Variants in TCF12 observed in about 807,000 individuals in gnomAD.
TCF12 encodes the protein transcription factor 12, also known as DNA-binding protein HTF4.
Under a neutral mutation model 86.0 loss-of-function variants are expected in TCF12, and 45 were observed. The observed-to-expected ratio is 0.52, with a 90% confidence interval of 0.41 to 0.67. The LOEUF (loss-of-function observed/expected upper bound fraction) is 0.67, where lower values mean the gene tolerates loss of function less well. Ranked by LOEUF, TCF12 falls within the 30% of genes least tolerant of loss-of-function variation. TCF12 has a pLI of 0.00. For missense variants in TCF12, 881 were observed against 859.9 expected (o/e 1.02, Z -0.31); for synonymous variants, 330 against 299.6 (o/e 1.10, Z -1.05).
At chr15:57,275,362 G>A (rs1008839343) in intron 19 of TCF12, among the ~76,000 whole-genome samples, 2 of 145,936 alleles carry the variant, frequency 1.4e-5, no homozygotes, top group African/African-American at 2.6e-5. Context: ...GTGTGTGTGT[G>A]TACGTATGTA....
intron 3 of TCF12, among the ~76,000 whole-genome samples, chr15:56,943,197 TA>T (rs1837478785): frequency 1.3e-5 from 2 of 152,180 alleles, no homozygotes; most frequent in South Asian, 4.1e-4. Flanking sequence ...CCTTTTCATT[TA>T]ACAAGAGGAT....
chr15:56,961,126 C>A (rs1294900904), intron 3 of TCF12, among the ~76,000 whole-genome samples: 1 of 136,228 alleles, frequency 7.3e-6, no homozygotes, highest in African/African-American at 2.8e-5. Context: ...AACTCTGTCT[C>A]AAAAAAAAAA....
In TCF12 at chr15:57,232,718, C is replaced by T; in HGVS notation, c.832C>T (p.Pro278Ser). The stretch of plus-strand genomic sequence containing the variant: ...CATATCTCTTTCCATCTAGAGTTAT[C>T]CTCCACACTCAGTTTCACCAACAGA... Reference protein sequence around the residue: ...NLHSHDRLSYPPHSVSPTDIN... With the variant: ...NLHSHDRLSYSPHSVSPTDIN... The change falls in exon 11 of 21, where the codon CCT (proline) becomes TCT (serine). Residue 278 changes from proline (P) to serine (S), a missense_variant. Transcript: ENST00000333725. 1 of 1,611,236 alleles carries T rather than the reference C, an allele frequency of 6.2e-7. No homozygotes were observed. The highest frequency in any genetic ancestry group is 1.7e-5 in the Admixed American group (1 of 59,558).
chr15:57,074,106 G>C (rs1187099864), intron 4 of TCF12, among the ~76,000 whole-genome samples: 1 of 151,828 alleles, frequency 6.6e-6, no homozygotes, highest in Non-Finnish European at 1.5e-5. Context: ...GCAGTAATTC[G>C]TATTTTATGT....
At chr15:57,026,436 G>C (rs1056381789) in intron 3 of TCF12, among the ~76,000 whole-genome samples, 2 of 152,184 alleles carry the variant, frequency 1.3e-5, no homozygotes, top group Non-Finnish European at 2.9e-5. Context: ...CAGCAGTCCA[G>C]CATGCTGTTG....
Position 57,151,302 on chromosome 15 carries a change from A to C in TCF12, c.326-15100A>C, listed in dbSNP as rs1346307472. 1.4e-4 allele frequency among the ~76,000 whole-genome samples: 22 copies of C among 151,898 alleles called. 1 individual carries two copies. Among genetic ancestry groups the C allele is most frequent in the Non-Finnish European group, 3.2e-4 (22 of 67,984 alleles). ...AGCCCCCTAAATGTCATTTTTAGAG[A>C]GAAGAAAAATACAGTATCTGAAATG... On this transcript the variant is annotated intron_variant, in intron 5 of 20. Coordinates refer to ENST00000333725, the MANE Select transcript of TCF12 (RefSeq NM_207037.2).
In TCF12 at chr15:56,938,882, A is replaced by G. The variant is rs575354456; in HGVS notation, c.148+17784A>G. Among the ~76,000 whole-genome samples the G allele has an allele frequency of 3.9e-5, 6 of 152,258 alleles. No homozygotes were observed. The South Asian group carries it at 1.2e-3, about 32-fold the overall frequency. On this transcript the variant is annotated intron_variant, in intron 3 of 20. Coordinates refer to ENST00000333725, the MANE Select transcript of TCF12 (RefSeq NM_207037.2). Reference sequence around the variant, plus strand: ...TACACTTAAAACCTCTTCTTCTGTGATTTGTCTCAGGACCTACTTTGTTCC... The same window carrying G: ...TACACTTAAAACCTCTTCTTCTGTGGTTTGTCTCAGGACCTACTTTGTTCC...
intron 7 of TCF12, 98 bp from the exon 8 acceptor site, chr15:57,197,675 C>T: frequency 7.1e-7 from 1 of 1,402,354 alleles, no homozygotes; most frequent in South Asian, 1.3e-5. Context: ...TATTGGAAAA[C>T]AAGAAAGACG....
intron 5 of TCF12, among the ~76,000 whole-genome samples, chr15:57,124,806 T>C (rs2051515204): frequency 6.6e-6 from 1 of 151,610 alleles, no homozygotes; most frequent in South Asian, 2.1e-4. Flanking sequence ...GCCTCCAGAG[T>C]AGCTGGAACT....
chr15:57,075,988 A>G lies in TCF12; in HGVS notation c.222+12165A>G, dbSNP rs2069995975. Among the ~76,000 whole-genome samples, 3 of 150,774 alleles carry G rather than the reference A, an allele frequency of 2.0e-5. No homozygotes were observed. The South Asian group carries it at 6.4e-4, about 32-fold the overall frequency. ...AGGTGATCCTCTGCCCCTGTCTCCCAAGTAGCTGGGACTACAGGCCTGTGC... is the reference window on the plus strand; with the variant it reads ...AGGTGATCCTCTGCCCCTGTCTCCCGAGTAGCTGGGACTACAGGCCTGTGC... On this transcript the variant is annotated intron_variant, in intron 4 of 20. Coordinates refer to ENST00000333725, the MANE Select transcript of TCF12 (RefSeq NM_207037.2).
intron 3 of TCF12, among the ~76,000 whole-genome samples, chr15:56,999,429 A>G (rs1035642434): frequency 6.6e-6 from 1 of 152,110 alleles, no homozygotes; most frequent in Non-Finnish European, 1.5e-5. Flanking sequence ...TATCATTACA[A>G]ACTCCACAGG....
intron 5 of TCF12, among the ~76,000 whole-genome samples, chr15:57,162,455 C>T (rs1443393104): frequency 1.3e-5 from 2 of 152,098 alleles, no homozygotes; most frequent in Non-Finnish European, 2.9e-5. Context: ...CTTATAAGTC[C>T]TTAAGAAAAT....
intron 3 of TCF12, among the ~76,000 whole-genome samples, chr15:56,923,747 T>C (rs2059892408): frequency 6.6e-6 from 1 of 152,160 alleles, no homozygotes; most frequent in Non-Finnish European, 1.5e-5. Context: ...TTGTATGATA[T>C]CTGAAAATTT....
chr15:57,149,764 C>T (rs1484093218), intron 5 of TCF12, among the ~76,000 whole-genome samples: 1 of 152,176 alleles, frequency 6.6e-6, no homozygotes, highest in African/African-American at 2.4e-5. Flanking sequence ...TCATGCACTA[C>T]TCTAAGCAGT....
intron 3 of TCF12, among the ~76,000 whole-genome samples, chr15:57,028,865 C>T (rs906856531): frequency 2.0e-5 from 3 of 151,834 alleles, no homozygotes; most frequent in Non-Finnish European, 4.4e-5. Context: ...GTAATGCGAT[C>T]TTGGCTCACT....
intron 6 of TCF12, among the ~76,000 whole-genome samples, chr15:57,178,364 A>T (rs1341524201): frequency 6.6e-6 from 1 of 152,204 alleles, no homozygotes; most frequent in South Asian, 2.1e-4. Flanking sequence ...AAAGTATGGC[A>T]TGCCTAACTA....
At chr15:57,006,571 T>C (rs1407530911) in intron 3 of TCF12, among the ~76,000 whole-genome samples, 1 of 152,056 alleles carries the variant, frequency 6.6e-6, no homozygotes, top group Non-Finnish European at 1.5e-5. Flanking sequence ...GGCAGGTAGA[T>C]TACTTGAGGT....
chr15:57,116,313 G>A (rs1461186746), intron 5 of TCF12, among the ~76,000 whole-genome samples: 1 of 152,014 alleles, frequency 6.6e-6, no homozygotes, highest in African/African-American at 2.4e-5. Context: ...CTCAGAGGTT[G>A]ATGAATATTC....
chr15:57,118,245 T>C (rs2050978949), intron 5 of TCF12: 1 of 152,212 alleles, frequency 6.6e-6, no homozygotes, highest in African/African-American at 2.4e-5. Flanking sequence ...TTGTAAATGT[T>C]AAATAAAAGA....
Sources: allele counts gnomAD v4.1 joint callset (sites outside exome capture counted in the v4.1 genomes callset), GRCh38; gene constraint gnomAD v4.1.1; transcripts MANE v1.5; gene names NCBI Gene and HGNC (gene_info 2026-07-23, HGNC 2026-07-21).